Variants in WWOX observed in about 807,000 individuals in gnomAD.
WWOX encodes WW domain-containing oxidoreductase.
In WWOX, 69 loss-of-function variants were observed where a neutral mutation model predicts 46.2. The observed-to-expected ratio is 1.49, with a 90% CI of 1.23 to 1.82. The LOEUF (loss-of-function observed/expected upper bound fraction) is 1.82, where lower values mean the gene tolerates loss of function less well. Among genes scored for constraint, WWOX ranks in the 40% most tolerant of loss-of-function variants. The pLI, the probability that WWOX is intolerant of heterozygous loss-of-function variation, is 0.00. For synonymous variants in WWOX, 359 were observed against 202.6 expected (o/e 1.77, Z -6.56); for missense variants, 919 against 542.6 (o/e 1.69, Z -6.89).
rs139810011 is a variant in WWOX at position 78,919,371 on chromosome 16, G to T, written c.1057-292237G>T. ...TTCTAGAATTTGCATCCAGGCAGTT[G>T]AGTCTAGAATTGTCTTTGTGTATTT... On this transcript the variant is annotated intron_variant, in intron 8 of 8. Coordinates refer to ENST00000566780, the MANE Select transcript of WWOX (RefSeq NM_016373.4). 3.9e-5 allele frequency among the ~76,000 whole-genome samples: 6 copies of T among 152,080 alleles called. No homozygotes were observed. In the East Asian group the frequency reaches 1.2e-3, roughly 30 times the overall value.
At chr16:78,294,560 C>G (rs998165357) in intron 5 of WWOX, among the ~76,000 whole-genome samples, 3 of 152,052 alleles carry the variant, frequency 2.0e-5, no homozygotes, top group African/African-American at 7.2e-5. Flanking sequence ...TTACTCTTAC[C>G]TCATTCTATC....
chr16:79,023,766 G>A (rs975159379), intron 8 of WWOX, among the ~76,000 whole-genome samples: 6 of 144,230 alleles, frequency 4.2e-5, no homozygotes, highest in African/African-American at 7.9e-5. Flanking sequence ...CTAAAATATG[G>A]TGATACCCCA....
chr16:78,795,354 A>T (rs928602314), intron 8 of WWOX, among the ~76,000 whole-genome samples: 1 of 152,178 alleles, frequency 6.6e-6, no homozygotes, highest in African/African-American at 2.4e-5. Flanking sequence ...TGACTCTTTA[A>T]CACCATATGC....
intron 8 of WWOX, among the ~76,000 whole-genome samples, chr16:79,200,630 G>T (rs1035650043): frequency 2.6e-5 from 4 of 151,996 alleles, no homozygotes; most frequent in Non-Finnish European, 2.9e-5. Context: ...CACCACCGTC[G>T]TCGTCTTTTT....
chr16:78,105,084 T>A (rs2032055888), intron 1 of WWOX, among the ~76,000 whole-genome samples: 1 of 152,352 alleles, frequency 6.6e-6, no homozygotes, highest in South Asian at 2.1e-4. Context: ...TGTCTGGAGA[T>A]GCTTTCTGTT....
At chr16:79,207,142 C>G (rs1488432949) in intron 8 of WWOX, among the ~76,000 whole-genome samples, 2 of 152,152 alleles carry the variant, frequency 1.3e-5, no homozygotes, top group African/African-American at 2.4e-5. Context: ...GACATGAGGG[C>G]TCACCCCCTC....
intron 8 of WWOX, among the ~76,000 whole-genome samples, chr16:78,953,569 T>G (rs1393286022): frequency 2.6e-5 from 4 of 152,186 alleles, no homozygotes; most frequent in African/African-American, 9.7e-5. Flanking sequence ...GGGGACTCAT[T>G]GACGGCAGAG....
intron 8 of WWOX, among the ~76,000 whole-genome samples, chr16:78,811,594 C>A (rs910760195): frequency 6.6e-6 from 1 of 152,048 alleles, no homozygotes; most frequent in Non-Finnish European, 1.5e-5. Context: ...TGGTCTCAAG[C>A]TCCTGACCTC....
chr16:79,054,088 A>T (rs931821019), intron 8 of WWOX, among the ~76,000 whole-genome samples: 1 of 152,108 alleles, frequency 6.6e-6, no homozygotes, highest in African/African-American at 2.4e-5. Flanking sequence ...AAAAGAAGCT[A>T]TATTCAGCAC....
At chr16:78,139,039 C>G (rs1035811907) in intron 4 of WWOX, among the ~76,000 whole-genome samples, 3 of 152,124 alleles carry the variant, frequency 2.0e-5, no homozygotes, top group African/African-American at 4.8e-5. Context: ...CCAATCAGAC[C>G]GTATCTAGAA....
At chr16:78,427,802 A>T (rs573520934) in intron 7 of WWOX, among the ~76,000 whole-genome samples, 9 of 151,920 alleles carry the variant, frequency 5.9e-5, no homozygotes, top group East Asian at 3.9e-4. Flanking sequence ...AAAATTGTTT[A>T]AAAAAAATGC....
rs60074156 is a variant in WWOX, at chr16:79,074,409, C to CTTTTTTTTTTTTTTTTTTTTTTTT, written c.1057-137189_1057-137166dup. Among the ~76,000 whole-genome samples, 21 of 30,988 alleles carry CTTTTTTTTTTTTTTTTTTTTTTTT rather than the reference C, an allele frequency of 6.8e-4. 3 individuals carry two copies. Among genetic ancestry groups the CTTTTTTTTTTTTTTTTTTTTTTTT allele is most frequent in the East Asian group, 1.4e-3 (1 of 726 alleles). 20.3% of individuals were successfully genotyped at this position (30,988 alleles called of 152,430 possible). A position where few individuals can be genotyped will look rare whatever the true frequency, so the allele number is the denominator to read the frequency against. On this transcript the variant is annotated intron_variant, in intron 8 of 8. Coordinates refer to ENST00000566780, the MANE Select transcript of WWOX (RefSeq NM_016373.4). ...CATCCTGACTGAAATGTCACTAGTC[C>CTTTTTTTTTTTTTTTTTTTTTTTT]TTTTTTTTTTTTTTTTTTTTTTTTT...
At chr16:78,911,350 G>T (rs184337209) in intron 8 of WWOX, among the ~76,000 whole-genome samples, 1 of 151,966 alleles carries the variant, frequency 6.6e-6, no homozygotes, top group Admixed American at 6.6e-5. Context: ...TTTGTAAACT[G>T]TACCCTCCTG....
At chr16:78,930,833 C>G (rs972639697) in intron 8 of WWOX, among the ~76,000 whole-genome samples, 4 of 152,086 alleles carry the variant, frequency 2.6e-5, no homozygotes, top group Admixed American at 2.0e-4. Flanking sequence ...AGGTCAGTCG[C>G]TATGCAAGGC....
intron 8 of WWOX, among the ~76,000 whole-genome samples, chr16:78,649,471 A>G (rs548707612): frequency 2.0e-5 from 3 of 150,834 alleles, no homozygotes. Context: ...ATGGTGGGGT[A>G]TTACTCTGTT....
At chr16:79,138,060 C>T (rs971509194) in intron 8 of WWOX, among the ~76,000 whole-genome samples, 1 of 152,292 alleles carries the variant, frequency 6.6e-6, no homozygotes, top group Admixed American at 6.5e-5. Flanking sequence ...CTTGTTAATA[C>T]TGTTCAACCT....
chr16:79,182,854 G>A (rs2050939553), intron 8 of WWOX, among the ~76,000 whole-genome samples: 1 of 152,192 alleles, frequency 6.6e-6, no homozygotes, highest in African/African-American at 2.4e-5. Context: ...GTGTGTTTCT[G>A]TTTTCCGTAA....
chr16:78,110,921 C>T (rs1333657106), intron 3 of WWOX, among the ~76,000 whole-genome samples: 1 of 152,112 alleles, frequency 6.6e-6, no homozygotes, highest in African/African-American at 2.4e-5. Flanking sequence ...TAATGTTTCA[C>T]AACTGTCAAC....
intron 8 of WWOX, among the ~76,000 whole-genome samples, chr16:78,455,911 G>C (rs959161277): frequency 2.6e-5 from 4 of 152,124 alleles, no homozygotes; most frequent in African/African-American, 7.2e-5. Flanking sequence ...ACTAGTATTT[G>C]TGTTAACATT....
Sources: allele counts gnomAD v4.1 joint callset (sites outside exome capture counted in the v4.1 genomes callset), GRCh38; gene constraint gnomAD v4.1.1; transcripts MANE v1.5; gene names NCBI Gene and HGNC (gene_info 2026-07-23, HGNC 2026-07-21).